Variants in OARD1 observed in about 807,000 individuals in gnomAD.
OARD1 encodes the protein ADP-ribose glycohydrolase OARD1.
OARD1 carries 19 observed loss-of-function variants against 19.7 expected under a neutral mutation model. That is an observed-to-expected ratio of 0.96 (90% CI 0.67 to 1.41). The LOEUF is 1.41. Ranked by LOEUF, OARD1 falls within the 40% of genes most tolerant of loss-of-function variation. The pLI is 0.00. For synonymous variants in OARD1, 70 were observed against 61.8 expected (o/e 1.13, Z -0.62); for missense variants, 190 against 183.8 (o/e 1.03, Z -0.20).
intron 2 of OARD1, 51 bp downstream of exon 2, chr6:41,071,545 C>A: frequency 6.9e-7 from 1 of 1,439,610 alleles, no homozygotes; most frequent in Non-Finnish European, 9.8e-7. Context: ...TGCTTTTGAC[C>A]TCCATTATTA....
At chr6:41,095,947 A>G (rs1197007414) in intron 1 of OARD1, among the ~76,000 whole-genome samples, 3 of 152,202 alleles carry the variant, frequency 2.0e-5, no homozygotes, top group Non-Finnish European at 4.4e-5. Flanking sequence ...TGTTTCTTGA[A>G]TTAATAGATT....
chr6:41,080,510 G>A (rs1383143095), intron 1 of OARD1, among the ~76,000 whole-genome samples: 1 of 152,134 alleles, frequency 6.6e-6, no homozygotes, highest in Non-Finnish European at 1.5e-5. Context: ...TTAAACAATT[G>A]TGTAAGTAGA....
At chr6:41,082,603 T>G (rs920797792) in intron 1 of OARD1, among the ~76,000 whole-genome samples, 5 of 152,238 alleles carry the variant, frequency 3.3e-5, no homozygotes, top group Non-Finnish European at 7.3e-5. Context: ...CTTACATAGA[T>G]TTTATTTAAA....
At chr6:41,091,305 C>T (rs1764192308) in intron 1 of OARD1, among the ~76,000 whole-genome samples, 1 of 152,160 alleles carries the variant, frequency 6.6e-6, no homozygotes, top group Non-Finnish European at 1.5e-5. Flanking sequence ...TAGAGTTACT[C>T]AAAACTGGGA....
At position 41,082,854 on chromosome 6, in the gene OARD1, G is replaced by C. The variant is rs542573465; in HGVS notation, c.-41-11179C>G. Among the ~76,000 whole-genome samples the C allele has an allele frequency of 2.6e-5, 4 of 152,262 alleles. No individual in the cohort carries two copies. In the South Asian group the frequency reaches 8.3e-4, roughly 32 times the overall value. ...AAAGTCCTTAAAAAAGTAAAGTAAAGGTTCTCAATGGACAGTTTAACAAAA... is the reference window on the plus strand; with the variant it reads ...AAAGTCCTTAAAAAAGTAAAGTAAACGTTCTCAATGGACAGTTTAACAAAA... On this transcript the variant is annotated intron_variant, in intron 1 of 4. Transcript: ENST00000480585.
chr6:41,071,910 C>T, intron 1 of OARD1: 2 of 459,786 alleles, frequency 4.3e-6, no homozygotes, highest in Middle Eastern at 6.0e-4. Flanking sequence ...CGCCCCGCTC[C>T]GTCAGCGGAA....
rs552170849 is a variant in OARD1 at position 41,069,166 on chromosome 6, T to C, written c.244-213A>G. ...AATAGAGGCTGAGAAACCCAGACTCTGCCACGTAGCAATCTTTCCTTTTCC... is the reference window on the plus strand; with the variant it reads ...AATAGAGGCTGAGAAACCCAGACTCCGCCACGTAGCAATCTTTCCTTTTCC... On this transcript the variant is annotated intron_variant, in intron 4 of 5. Coordinates refer to ENST00000424266, the MANE Select transcript of OARD1 (RefSeq NM_001329686.2). The C allele has an allele frequency of 7.8e-6, 3 of 384,450 alleles. No homozygotes were observed. In the East Asian group the frequency reaches 1.3e-4, roughly 17 times the overall value. The allele number at this position is 384,450 out of a possible 1,614,324, so 23.8% of individuals were successfully genotyped here. A position where few individuals can be genotyped will look rare whatever the true frequency, so the allele number is the denominator to read the frequency against.
intron 1 of OARD1, chr6:41,093,122 A>AT (rs769545955): frequency 6.4e-7 from 1 of 1,567,914 alleles, no homozygotes; most frequent in Non-Finnish European, 8.7e-7. Context: ...GGAAAGGAGA[A>AT]TAGCAGGGTT....
chr6:41,069,116 G>A, intron 4 of OARD1, 163 bp from the exon 5 acceptor site: 1 of 457,956 alleles, frequency 2.2e-6, no homozygotes, highest in East Asian at 3.6e-5. Flanking sequence ...ACACTGTTAT[G>A]GGAGACCTTC....
intron 1 of OARD1, chr6:41,090,118 AAAT>A (rs1255239161): frequency 1.1e-6 from 1 of 946,774 alleles, no homozygotes; most frequent in African/African-American, 1.6e-5. Context: ...TGTCTCAAAA[AAAT>A]AATTTTTTTT....
rs147188514 is a variant in OARD1, at chr6:41,087,475, A to G, written c.-42+10238T>C. 9.7e-3 allele frequency among the ~76,000 whole-genome samples: 1,479 copies of G among 152,300 alleles called. 20 individuals are homozygous for G. Among genetic ancestry groups the G allele is most frequent in the African/African-American group, 0.033 (1,384 of 41,554 alleles). ...TCCCAAGTTGAAATTATGGATGGAA[A>G]GTGACCTGGCTATAAAAATCTATCT... is the stretch of plus-strand genomic sequence containing the variant. On this transcript the variant is annotated intron_variant, in intron 1 of 4. Coordinates refer to the OARD1 transcript ENST00000480585.
intron 1 of OARD1, among the ~76,000 whole-genome samples, chr6:41,078,688 T>C (rs900166068): frequency 1.3e-5 from 2 of 152,238 alleles, no homozygotes; most frequent in African/African-American, 4.8e-5. Context: ...AGCTTTATTC[T>C]CTAAAGTATA....
rs139819793 is a variant in OARD1 at position 41,067,437 on chromosome 6, C to A, written c.357G>T (p.Arg119Ser). The A allele has an allele frequency of 2.5e-4, 397 of 1,607,248 alleles. No individual in the cohort carries two copies. Among genetic ancestry groups the A allele is most frequent in the Non-Finnish European group, 3.2e-4 (374 of 1,174,378 alleles). The change falls in exon 6 of 6, where the codon AGG becomes AGT. Residue 119 changes from arginine (R) to serine (S), a missense_variant and splice_region_variant. By Grantham distance (110) the Arg-to-Ser change is moderately radical. Transcript: ENST00000424266. ...KNGVTDLSMP[R>S]IGCGLDRLQW... ...GCAGACGATCAAGACCACATCCAAT[C>A]CTGAAAAAGACAAAATATCTCCATT...
intron 1 of OARD1, among the ~76,000 whole-genome samples, chr6:41,084,954 C>G (rs1764003361): frequency 6.6e-6 from 1 of 151,868 alleles, no homozygotes. Context: ...GAGCAAGATT[C>G]TGTCTCAAAA....
In OARD1 at chr6:41,070,151, TA is replaced by T; in HGVS notation, c.185-18del. 1 of 1,381,366 alleles carries T rather than the reference TA, an allele frequency of 7.2e-7. No individual in the cohort carries two copies. Among genetic ancestry groups the T allele is most frequent in the South Asian group, 1.2e-5 (1 of 82,256 alleles). 85.6% of individuals were successfully genotyped at this position (1,381,366 alleles called of 1,614,324 possible). On this transcript the variant is annotated intron_variant, in intron 3 of 5. Transcript: ENST00000424266. ...ATTTCTTTTCTAAGAAAAAGTTATTTAATAGTAGAAATGAAAAAGAAAACCA... is the reference window on the plus strand; with the variant it reads ...ATTTCTTTTCTAAGAAAAAGTTATTTATAGTAGAAATGAAAAAGAAAACCA...
intron 1 of OARD1, chr6:41,091,621 G>T (rs779895598): frequency 6.2e-7 from 1 of 1,614,230 alleles, no homozygotes. Context: ...AACACAACCA[G>T]CAGTGGGCAA....
Position 41,071,591 on chromosome 6 carries a change from C to G in OARD1, c.39+5G>C. ...TTCACCAATAAGTCAATAGTTGTTA[C>G]GCACTCTGCTTCCTTCTGGATCTTC... On this transcript the variant is annotated splice_donor_5th_base_variant and intron_variant, in intron 2 of 5. Transcript: ENST00000424266. 1 of 1,610,200 alleles carries G rather than the reference C, an allele frequency of 6.2e-7. No individual in the cohort carries two copies. The highest frequency in any genetic ancestry group is 8.5e-7 in the Non-Finnish European group (1 of 1,176,374).
chr6:41,095,612 G>T (rs1764331865), intron 1 of OARD1, among the ~76,000 whole-genome samples: 1 of 152,054 alleles, frequency 6.6e-6, no homozygotes, highest in African/African-American at 2.4e-5. Context: ...TAAATTTTTT[G>T]TAGAAATGGA....
At chr6:41,068,413 A>G (rs1305246983) in intron 5 of OARD1, among the ~76,000 whole-genome samples, 5 of 152,260 alleles carry the variant, frequency 3.3e-5, no homozygotes, top group African/African-American at 4.8e-5. Context: ...AGGGAATGAT[A>G]ATTTACAACT....
Sources: gnomAD v4.1 joint callset for allele counts (sites outside exome capture counted in the v4.1 genomes callset) on GRCh38, gnomAD v4.1.1 for gene constraint, MANE v1.5 for transcripts, NCBI Gene and HGNC (gene_info 2026-07-23, HGNC 2026-07-21) for gene names.